SLC14A2: variants seen among roughly 807,000 people sequenced by gnomAD.
SLC14A2 encodes the protein urea transporter 2.
SLC14A2 carries 91 observed loss-of-function variants against 104.6 expected under a neutral mutation model. The ratio of observed to expected loss-of-function variants is 0.87; its 90% confidence interval spans 0.73 to 1.04. The LOEUF is 1.04. Ranked by LOEUF, SLC14A2 falls within the 50% of genes least tolerant of loss-of-function variation. SLC14A2 has a pLI of 0.00. For synonymous variants in SLC14A2, 476 were observed against 466.4 expected (o/e 1.02, Z -0.27); for missense variants, 1,189 against 1,156.0 (o/e 1.03, Z -0.41).
At position 45,456,770 on chromosome 18, in the gene SLC14A2, A is replaced by G. The variant is rs982038612; in HGVS notation, c.-124-26463A>G. Reference sequence around the variant, plus strand: ...AGGAGACTTTTTTTTTTTTTTTTGGATGACCTTTTTGAAGCATCTTATTTT... The same window carrying G: ...AGGAGACTTTTTTTTTTTTTTTTGGGTGACCTTTTTGAAGCATCTTATTTT... On this transcript the variant is annotated intron_variant, in intron 1 of 20. Transcript: ENST00000586448. Among the ~76,000 whole-genome samples, 532 of 117,584 alleles carry G rather than the reference A, an allele frequency of 4.5e-3. 5 individuals carry two copies. The highest frequency in any genetic ancestry group is 0.017 in the African/African-American group (491 of 29,516). The allele number at this position is 117,584 out of a possible 152,430, so 77.1% of individuals were successfully genotyped here.
intron 2 of SLC14A2, among the ~76,000 whole-genome samples, chr18:45,602,654 C>A (rs1451689487): frequency 2.6e-5 from 4 of 152,208 alleles, no homozygotes; most frequent in Non-Finnish European, 5.9e-5. Context: ...AACTCAGACC[C>A]TTGCAAGAGA....
intron 1 of SLC14A2, among the ~76,000 whole-genome samples, chr18:45,275,569 G>T (rs929941554): frequency 1.3e-5 from 2 of 152,180 alleles, no homozygotes; most frequent in African/African-American, 4.8e-5. Context: ...CGGGGATGAA[G>T]GTACCCATAT....
intron 1 of SLC14A2, among the ~76,000 whole-genome samples, chr18:45,283,599 G>A (rs1229664894): frequency 6.6e-6 from 1 of 152,214 alleles, no homozygotes; most frequent in African/African-American, 2.4e-5. Flanking sequence ...AGCTTTAAAT[G>A]TTATTAAATC....
At chr18:45,404,326 C>G (rs975568671) in intron 1 of SLC14A2, among the ~76,000 whole-genome samples, 1 of 152,256 alleles carries the variant, frequency 6.6e-6, no homozygotes, top group East Asian at 1.9e-4. Flanking sequence ...AATAGTAAGG[C>G]TATATTTTTG....
intron 1 of SLC14A2, among the ~76,000 whole-genome samples, chr18:45,430,965 G>A (rs1017503055): frequency 2.0e-5 from 3 of 152,172 alleles, no homozygotes; most frequent in Non-Finnish European, 4.4e-5. Flanking sequence ...CCCTGGTTGG[G>A]TGCTGATGAC....
chr18:45,510,348 G>A (rs928088594), intron 2 of SLC14A2, among the ~76,000 whole-genome samples: 2 of 152,108 alleles, frequency 1.3e-5, no homozygotes, highest in African/African-American at 2.4e-5. Flanking sequence ...ATTTATCTGT[G>A]CCCCCAAGCC....
chr18:45,530,809 A>G (rs2043673180), intron 2 of SLC14A2, among the ~76,000 whole-genome samples: 1 of 152,054 alleles, frequency 6.6e-6, no homozygotes, highest in Non-Finnish European at 1.5e-5. Context: ...TTAACTCGTC[A>G]TTTAGCATTA....
intron 1 of SLC14A2, among the ~76,000 whole-genome samples, chr18:45,615,834 TGTGAGAGAGAGA>T (rs1273513468): frequency 1.1e-3 from 155 of 145,310 alleles, no homozygotes; most frequent in African/African-American, 3.7e-3. Flanking sequence ...TGTGTGTGTG[TGTGAGAGAGAGA>T]GAGAGAGAGA....
At chr18:45,415,513 T>A (rs2086267553) in intron 1 of SLC14A2, among the ~76,000 whole-genome samples, 1 of 152,194 alleles carries the variant, frequency 6.6e-6, no homozygotes, top group Non-Finnish European at 1.5e-5. Flanking sequence ...GACTTCTCTG[T>A]CATTCTTGAT....
Position 45,587,593 on chromosome 18 carries a change from T to C in SLC14A2, c.-34-37038T>C, listed in dbSNP as rs182911439. ...GAGCAGAGGGTAGCAGGATCTGAGA[T>C]ACAGAACCTTTCAAGGCACGAGTTG... On this transcript the variant is annotated intron_variant, in intron 2 of 20. Transcript: ENST00000586448. Among the ~76,000 whole-genome samples the C allele has an allele frequency of 3.0e-4, 46 of 152,268 alleles. No individual in the cohort carries two copies. In the East Asian group the frequency reaches 8.1e-3, roughly 27 times the overall value.
intron 2 of SLC14A2, among the ~76,000 whole-genome samples, chr18:45,504,034 C>T (rs1365958667): frequency 6.6e-6 from 1 of 152,198 alleles, no homozygotes; most frequent in East Asian, 1.9e-4. Flanking sequence ...CTAAAGTGCA[C>T]TCACAAGGGT....
At chr18:45,382,424 G>T (rs1332483115) in intron 1 of SLC14A2, among the ~76,000 whole-genome samples, 1 of 152,070 alleles carries the variant, frequency 6.6e-6, no homozygotes, top group Non-Finnish European at 1.5e-5. Flanking sequence ...GAAAATATAG[G>T]GGAAGACTTC....
intron 1 of SLC14A2, among the ~76,000 whole-genome samples, chr18:45,372,682 G>C (rs1196243551): frequency 6.6e-6 from 1 of 152,120 alleles, no homozygotes; most frequent in African/African-American, 2.4e-5. Context: ...CAAGCTCCCA[G>C]GGGATACTTG....
At chr18:45,241,381 A>G (rs577494636) in intron 1 of SLC14A2, among the ~76,000 whole-genome samples, 1 of 152,332 alleles carries the variant, frequency 6.6e-6, no homozygotes, top group East Asian at 1.9e-4. Flanking sequence ...CAGTTAGGTA[A>G]GAGATGCTGA....
chr18:45,577,234 T>C (rs2044429358), intron 2 of SLC14A2, among the ~76,000 whole-genome samples: 1 of 151,880 alleles, frequency 6.6e-6, no homozygotes, highest in Non-Finnish European at 1.5e-5. Context: ...AAAACATACT[T>C]AATACACATG....
intron 4 of SLC14A2, among the ~76,000 whole-genome samples, chr18:45,630,288 G>C (rs143602809): frequency 1.3e-3 from 202 of 152,186 alleles, no homozygotes; most frequent in African/African-American, 4.7e-3. Context: ...ATCTTCTAAG[G>C]AGCCACGAGC....
At chr18:45,207,689 AAG>A in the SLC14A2 span, among the ~76,000 whole-genome samples, 1 of 152,170 alleles carries the variant, frequency 6.6e-6, no homozygotes, top group African/African-American at 2.4e-5. Context: ...ATGTAATGTG[AAG>A]AGAGTTAGAG....
At chr18:45,588,684 G>C (rs1428020252) in intron 2 of SLC14A2, among the ~76,000 whole-genome samples, 5 of 152,230 alleles carry the variant, frequency 3.3e-5, no homozygotes, top group African/African-American at 1.2e-4. Flanking sequence ...TGTGCAGGCA[G>C]GGGGATTGAT....
At chr18:45,409,629 C>A (rs182065883) in intron 1 of SLC14A2, among the ~76,000 whole-genome samples, 1 of 152,284 alleles carries the variant, frequency 6.6e-6, no homozygotes, top group African/African-American at 2.4e-5. Context: ...TCCTGGGGAG[C>A]TTTCCTCCTA....
Sources: gnomAD v4.1 joint callset for allele counts (sites outside exome capture counted in the v4.1 genomes callset) on GRCh38, gnomAD v4.1.1 for gene constraint, MANE v1.5 for transcripts, NCBI Gene and HGNC (gene_info 2026-07-23, HGNC 2026-07-21) for gene names.